Variants in KPNA6 observed in about 807,000 individuals in gnomAD.
The protein encoded by KPNA6 is importin subunit alpha-7.
KPNA6 carries 9 observed loss-of-function variants against 72.0 expected under a neutral mutation model. The observed-to-expected ratio is 0.13, with a 90% CI of 0.08 to 0.22. KPNA6 has a LOEUF of 0.22. Ranked by LOEUF, KPNA6 falls within the 10% of genes least tolerant of loss-of-function variation. The probability of loss-of-function intolerance (pLI) is 1.00; values close to 1 mark genes in which losing one functional copy is unlikely to be tolerated. For synonymous variants in KPNA6, 219 were observed against 242.1 expected, an observed-to-expected ratio of 0.90 and a Z score of 0.89; for missense variants, 374 against 655.7, an observed-to-expected ratio of 0.57 and a Z score of 4.69.
intron 1 of KPNA6, among the ~76,000 whole-genome samples, chr1:32,132,424 C>G (rs1641654832): frequency 6.6e-6 from 1 of 152,190 alleles, no homozygotes; most frequent in Non-Finnish European, 1.5e-5. Context: ...TCCCAGGTAG[C>G]TGGGACTATA....
chr1:32,152,097 A>T (rs1642042321), intron 1 of KPNA6, among the ~76,000 whole-genome samples: 1 of 152,186 alleles, frequency 6.6e-6, no homozygotes, highest in African/African-American at 2.4e-5. Context: ...TGGGAGGCTG[A>T]GGCAGGGGGA....
rs1420833527 is a variant in KPNA6, at chr1:32,150,816, G to A, written c.5-3772G>A. On this transcript the variant is annotated intron_variant, in intron 1 of 13. Coordinates refer to ENST00000373625, the MANE Select transcript of KPNA6 (RefSeq NM_012316.5). The stretch of plus-strand genomic sequence containing the variant: ...TAATTTTTGTATTTTTAGTAGAAAC[G>A]AGGTTTCACCATGTTGGCCAGGATG... 5.3e-5 allele frequency among the ~76,000 whole-genome samples: 8 copies of A among 152,142 alleles called. No homozygotes were observed. In the South Asian group the frequency reaches 1.2e-3, roughly 24 times the overall value.
At chr1:32,108,697 A>G (rs901182541) in intron 1 of KPNA6, among the ~76,000 whole-genome samples, 4 of 152,276 alleles carry the variant, frequency 2.6e-5, no homozygotes, top group African/African-American at 7.2e-5. Context: ...AACGGAATCA[A>G]GGCGGAAATA....
Position 32,152,110 on chromosome 1 carries a change from G to T in KPNA6, c.5-2478G>T, listed in dbSNP as rs534160523. Among the ~76,000 whole-genome samples, 3 of 151,854 alleles carry T rather than the reference G, an allele frequency of 2.0e-5. No individual in the cohort carries two copies. In the South Asian group the frequency reaches 6.3e-4, roughly 32 times the overall value. On this transcript the variant is annotated intron_variant, in intron 1 of 13. Coordinates refer to ENST00000373625, the MANE Select transcript of KPNA6 (RefSeq NM_012316.5). Reference sequence around the variant, plus strand: ...TTTGGGAGGCTGAGGCAGGGGGATTGTTGAGGACAGGAGTTCAAGACCAGC... The same window carrying T: ...TTTGGGAGGCTGAGGCAGGGGGATTTTTGAGGACAGGAGTTCAAGACCAGC...
At position 32,172,434 on chromosome 1, in the gene KPNA6, A is replaced by G. The variant is rs1642454458; in HGVS notation, c.*1540A>G. ...TTCAATCTCAATGGCCATTGTCCAC[A>G]TAACTGATCACCCATGGCTGCCTCT... On this transcript the variant is annotated 3_prime_UTR_variant, in exon 14 of 14. Transcript: ENST00000373625. 6.6e-6 allele frequency: 1 copy of G among 151,368 alleles called. No individual in the cohort carries two copies. Among genetic ancestry groups the G allele is most frequent in the Non-Finnish European group, 1.5e-5 (1 of 67,976 alleles). The allele number at this position is 151,368 out of a possible 1,614,324, so 9.4% of individuals were successfully genotyped here. A position where few individuals can be genotyped will look rare whatever the true frequency, so the allele number is the denominator to read the frequency against.
At chr1:32,109,318 C>A (rs1204442433) in intron 1 of KPNA6, among the ~76,000 whole-genome samples, 1 of 151,820 alleles carries the variant, frequency 6.6e-6, no homozygotes, top group African/African-American at 2.4e-5. Context: ...TACAGGCACC[C>A]ACCACCACGC....
chr1:32,164,649 T>A (rs1295905220), intron 10 of KPNA6, among the ~76,000 whole-genome samples: 1 of 152,038 alleles, frequency 6.6e-6, no homozygotes, highest in Non-Finnish European at 1.5e-5. Context: ...TGATTGGTAA[T>A]GTTGAGCATC....
rs1294557888 is a variant in KPNA6, at chr1:32,128,440, C to CAT, written c.4+20316_4+20317dup. Reference sequence around the variant, plus strand: ...ATATATATATATACACACACACACACATATATATATACACATTTTTTTTTT... The same window carrying CAT: ...ATATATATATATACACACACACACACATATATATATATACACATTTTTTTTTT... On this transcript the variant is annotated intron_variant, in intron 1 of 13. Transcript: ENST00000373625. Among the ~76,000 whole-genome samples the CAT allele has an allele frequency of 3.3e-3, 408 of 122,856 alleles. 1 individual carries two copies. Among genetic ancestry groups the CAT allele is most frequent in the African/African-American group, 0.011 (367 of 34,066 alleles). The allele number at this position is 122,856 out of a possible 152,430, so 80.6% of individuals were successfully genotyped here.
intron 1 of KPNA6, among the ~76,000 whole-genome samples, chr1:32,146,534 C>T (rs544874276): frequency 2.0e-5 from 3 of 152,214 alleles, no homozygotes; most frequent in East Asian, 1.9e-4. Context: ...AATATTCTAA[C>T]TTTATAACAC....
intron 2 of KPNA6, 86 bp from the exon 3 acceptor site, chr1:32,156,767 T>G: frequency 1.0e-6 from 1 of 1,000,638 alleles, no homozygotes; most frequent in Non-Finnish European, 1.6e-6. Context: ...TATATCCTTG[T>G]CAGTTATGCC....
At position 32,173,333 on chromosome 1, in the gene KPNA6, G is replaced by A; in HGVS notation, c.*2439G>A. The A allele has an allele frequency of 2.6e-6, 1 of 381,382 alleles. No individual in the cohort carries two copies. The highest frequency in any genetic ancestry group is 4.6e-6 in the Non-Finnish European group (1 of 215,804). 23.6% of individuals were successfully genotyped at this position (381,382 alleles called of 1,614,324 possible). ...AGTGTAAGACATACACATCCTGCTT[G>A]TCCAGCTGTTCCTCCAAAATCTACT... is the stretch of plus-strand genomic sequence containing the variant. On this transcript the variant is annotated 3_prime_UTR_variant, in exon 14 of 14. Coordinates refer to ENST00000373625, the MANE Select transcript of KPNA6 (RefSeq NM_012316.5).
intron 1 of KPNA6, among the ~76,000 whole-genome samples, chr1:32,131,965 ATT>A (rs1383134222): frequency 6.6e-6 from 1 of 150,692 alleles, no homozygotes; most frequent in African/African-American, 2.4e-5. Context: ...ATATTTATTT[ATT>A]TATTTATTTT....
intron 1 of KPNA6, among the ~76,000 whole-genome samples, chr1:32,130,237 T>C (rs1641613515): frequency 6.6e-6 from 1 of 150,674 alleles, no homozygotes; most frequent in African/African-American, 2.4e-5. Flanking sequence ...TTTTTTTTTT[T>C]TTTTTTTTTA....
intron 7 of KPNA6, among the ~76,000 whole-genome samples, chr1:32,161,597 C>T (rs1187773719): frequency 6.6e-6 from 1 of 152,174 alleles, no homozygotes; most frequent in Non-Finnish European, 1.5e-5. Context: ...ATTTCTTAGA[C>T]TTTTAGCTTT....
intron 1 of KPNA6, among the ~76,000 whole-genome samples, chr1:32,114,949 TG>T (rs1190689345): frequency 6.6e-6 from 1 of 152,134 alleles, no homozygotes; most frequent in Non-Finnish European, 1.5e-5. Context: ...CAAGTAATTA[TG>T]GTGCCTCAGT....
intron 10 of KPNA6, among the ~76,000 whole-genome samples, chr1:32,165,813 C>T (rs1028387939): frequency 2.0e-4 from 31 of 152,080 alleles, no homozygotes; most frequent in Middle Eastern, 3.4e-3. Context: ...GCCTGGCCAA[C>T]ATGATGAAAC....
intron 1 of KPNA6, among the ~76,000 whole-genome samples, chr1:32,133,679 G>A (rs1256052793): frequency 6.6e-6 from 1 of 152,028 alleles, no homozygotes; most frequent in Non-Finnish European, 1.5e-5. Context: ...GCAAAAACCT[G>A]TCTCAAAAAC....
At chr1:32,169,630 GT>G (rs1465929243) in intron 12 of KPNA6, among the ~76,000 whole-genome samples, 83 of 109,536 alleles carry the variant, frequency 7.6e-4, no homozygotes, top group Non-Finnish European at 1.3e-3. Context: ...TTTTTTTTTT[GT>G]ATTTTTTTTT....
At chr1:32,117,639 A>G (rs1418234384) in intron 1 of KPNA6, among the ~76,000 whole-genome samples, 1 of 152,276 alleles carries the variant, frequency 6.6e-6, no homozygotes, top group Admixed American at 6.5e-5. Context: ...AAAAACAATA[A>G]CAACAATAAA....
Sources: allele counts gnomAD v4.1 joint callset (sites outside exome capture counted in the v4.1 genomes callset), GRCh38; gene constraint gnomAD v4.1.1; transcripts MANE v1.5; gene names NCBI Gene and HGNC (gene_info 2026-07-23, HGNC 2026-07-21).